Variants in EBF3 observed in about 807,000 individuals in gnomAD.
EBF3 encodes the protein transcription factor COE3.
Under a neutral mutation model 77.1 loss-of-function variants are expected in EBF3, and 18 were observed. That is an observed-to-expected ratio of 0.23 (90% CI 0.16 to 0.35). The LOEUF is 0.35. Among genes scored for constraint, EBF3 ranks in the 10% least tolerant of loss-of-function variants. EBF3 has a pLI of 1.00. For missense variants in EBF3, 558 were observed against 860.0 expected (o/e 0.65, Z 4.39); for synonymous variants, 350 against 343.5 (o/e 1.02, Z -0.21).
intron 6 of EBF3, among the ~76,000 whole-genome samples, chr10:129,899,433 G>A (rs1008303459): frequency 6.6e-6 from 1 of 152,226 alleles, no homozygotes; most frequent in Admixed American, 6.5e-5. Context: ...GCCGGAGGAC[G>A]GTGAGGCAGA....
chr10:129,891,661 C>T (rs1032428952), intron 6 of EBF3, among the ~76,000 whole-genome samples: 3 of 152,160 alleles, frequency 2.0e-5, no homozygotes, highest in Admixed American at 2.0e-4. Flanking sequence ...TACAGGGTCC[C>T]CAGCAGGCCG....
chr10:129,918,560 C>T (rs1244436093), intron 6 of EBF3, among the ~76,000 whole-genome samples: 1 of 152,238 alleles, frequency 6.6e-6, no homozygotes, highest in East Asian at 1.9e-4. Context: ...CCCTCCTCCG[C>T]ACCACCAACC....
intron 6 of EBF3, among the ~76,000 whole-genome samples, chr10:129,891,719 G>A (rs1406040904): frequency 1.3e-5 from 2 of 152,002 alleles, no homozygotes; most frequent in Non-Finnish European, 2.9e-5. Context: ...ACCCAAGGAG[G>A]TGATGCCATG....
At chr10:129,919,606 C>T (rs752478813) in intron 6 of EBF3, among the ~76,000 whole-genome samples, 4 of 152,148 alleles carry the variant, frequency 2.6e-5, no homozygotes, top group Non-Finnish European at 5.9e-5. Context: ...CCTTGGTAAG[C>T]CTGACTGGGG....
chr10:129,934,499 C>CA (rs1286037911), intron 6 of EBF3, among the ~76,000 whole-genome samples: 3 of 152,218 alleles, frequency 2.0e-5, no homozygotes, highest in Non-Finnish European at 4.4e-5. Flanking sequence ...GTGGCTCCCC[C>CA]AGGTCCCCCT....
chr10:129,914,108 G>A (rs923199389), intron 6 of EBF3, among the ~76,000 whole-genome samples: 6 of 152,196 alleles, frequency 3.9e-5, no homozygotes, highest in African/African-American at 9.6e-5. Context: ...GGGGTTCCTC[G>A]AAGGACCTGA....
In EBF3 at chr10:129,837,912, A is replaced by AGGTAAACAGAAGTCCCTCACATTGGCGGG. The variant is rs781351521; in HGVS notation, c.*2_*30dup. ...GTCCTTTGATGCTGGGTGCTGCGGA[A>AGGTAAACAGAAGTCCCTCACATTGGCGGG]GGTAAACAGAAGTCCCTCACATTGG... On this transcript the variant is annotated 3_prime_UTR_variant, in exon 17 of 17. Transcript: ENST00000440978. The AGGTAAACAGAAGTCCCTCACATTGGCGGG allele has an allele frequency of 6.2e-7, 1 of 1,614,192 alleles. No homozygotes were observed. The highest frequency in any genetic ancestry group is 8.5e-7 in the Non-Finnish European group (1 of 1,180,042).
intron 6 of EBF3, among the ~76,000 whole-genome samples, chr10:129,898,056 C>T (rs1316389849): frequency 6.6e-6 from 1 of 152,214 alleles, no homozygotes; most frequent in African/African-American, 2.4e-5. Flanking sequence ...CAGAGCTCAG[C>T]GCTCCTGTTG....
At chr10:129,840,753 TCA>T in intron 14 of EBF3, 89 bp downstream of exon 14, 1 of 1,503,554 alleles carries the variant, frequency 6.7e-7, no homozygotes, top group African/African-American at 1.4e-5. Context: ...ATCCAGTAGC[TCA>T]CATCACAGAA....
intron 6 of EBF3, among the ~76,000 whole-genome samples, chr10:129,956,570 T>C (rs909802342): frequency 6.6e-6 from 1 of 152,206 alleles, no homozygotes; most frequent in Admixed American, 6.5e-5. Context: ...GGGCTACTGA[T>C]TGGTATCTTA....
At chr10:129,852,588 C>CT (rs1392048235) in intron 10 of EBF3, among the ~76,000 whole-genome samples, 1 of 152,200 alleles carries the variant, frequency 6.6e-6, no homozygotes, top group Non-Finnish European at 1.5e-5. Context: ...ATGTTGATCT[C>CT]TAATACCCCA....
At chr10:129,869,814 C>A (rs1341301082) in intron 8 of EBF3, among the ~76,000 whole-genome samples, 1 of 152,180 alleles carries the variant, frequency 6.6e-6, no homozygotes, top group African/African-American at 2.4e-5. Flanking sequence ...CCTTAACTAG[C>A]GCTGTTGACT....
At chr10:129,844,932 A>G (rs751867970) in intron 11 of EBF3, among the ~76,000 whole-genome samples, 1 of 152,162 alleles carries the variant, frequency 6.6e-6, no homozygotes, top group Non-Finnish European at 1.5e-5. Context: ...GACTTTTTAC[A>G]TGCCTTTCAA....
chr10:129,948,236 C>G (rs1376795359), intron 6 of EBF3, among the ~76,000 whole-genome samples: 2 of 85,834 alleles, frequency 2.3e-5, no homozygotes, highest in Non-Finnish European at 4.1e-5. Flanking sequence ...CCAGCCTGGG[C>G]AACAAGAGCA....
chr10:129,842,761 C>CT lies in EBF3; in HGVS notation c.1194+375dup, dbSNP rs1850171258. On this transcript the variant is annotated intron_variant, in intron 12 of 16. Coordinates refer to ENST00000440978, the MANE Select transcript of EBF3 (RefSeq NM_001375380.1). The surrounding 1 kb of genome is among the most constrained non-coding windows in gnomAD (Gnocchi z 4.4). ...CCTGGGTGACAGAGCAAGACCCTGTCTAAAAAAAAAAAAAAAAAAAGGGAG... is the reference window on the plus strand; with the variant it reads ...CCTGGGTGACAGAGCAAGACCCTGTCTTAAAAAAAAAAAAAAAAAAAGGGAG... Among the ~76,000 whole-genome samples, 1 of 23,392 alleles carries CT rather than the reference C, an allele frequency of 4.3e-5. No individual in the cohort carries two copies. Among genetic ancestry groups the CT allele is most frequent in the East Asian group, 8.0e-4 (1 of 1,252 alleles). The allele number at this position is 23,392 out of a possible 152,430, so 15.3% of individuals were successfully genotyped here.
intron 4 of EBF3, among the ~76,000 whole-genome samples, chr10:129,959,840 C>T (rs1859356372): frequency 6.6e-6 from 1 of 152,050 alleles, no homozygotes; most frequent in Non-Finnish European, 1.5e-5. Flanking sequence ...CGGCCACGTG[C>T]TCCTCGCCGG....
Position 129,948,259 on chromosome 10 carries a change from C to CCAA in EBF3, c.554+8998_554+8999insTTG, listed in dbSNP as rs1491368743. On this transcript the variant is annotated intron_variant, in intron 6 of 16. Coordinates refer to ENST00000440978, the MANE Select transcript of EBF3 (RefSeq NM_001375380.1). ...GGCAACAAGAGCAAAAACTCCGTCTCAAAAAAAAAAAAAAAAAAAAAAAAA... is the reference window on the plus strand; with the variant it reads ...GGCAACAAGAGCAAAAACTCCGTCTCCAAAAAAAAAAAAAAAAAAAAAAAAAAA... Among the ~76,000 whole-genome samples, 57 of 45,734 alleles carry CCAA rather than the reference C, an allele frequency of 1.2e-3. 15 individuals carry two copies. Among genetic ancestry groups the CCAA allele is most frequent in the Non-Finnish European group, 1.4e-3 (33 of 24,288 alleles). The allele number at this position is 45,734 out of a possible 152,430, so 30.0% of individuals were successfully genotyped here.
chr10:129,915,805 T>C (rs944339594), intron 6 of EBF3, among the ~76,000 whole-genome samples: 14 of 152,278 alleles, frequency 9.2e-5, no homozygotes, highest in Admixed American at 7.8e-4. Flanking sequence ...TGCACTAAAT[T>C]CTCAGCTGAA....
chr10:129,888,000 C>T (rs1335119384), intron 6 of EBF3, among the ~76,000 whole-genome samples: 1 of 152,192 alleles, frequency 6.6e-6, no homozygotes, highest in Non-Finnish European at 1.5e-5. Flanking sequence ...TCGTGGTTTG[C>T]TTATTTTTCT....
Sources: gnomAD v4.1 joint callset for allele counts (sites outside exome capture counted in the v4.1 genomes callset) on GRCh38, gnomAD v4.1.1 for gene constraint, Gnocchi (gnomAD v3.1) non-coding constraint, MANE v1.5 for transcripts, NCBI Gene and HGNC (gene_info 2026-07-23, HGNC 2026-07-21) for gene names.